The following OSTN variants were observed in gnomAD, a reference collection of about 807,000 sequenced individuals.
The protein encoded by OSTN is osteocrin.
Under a neutral mutation model 12.0 loss-of-function variants are expected in OSTN, and 9 were observed. The ratio of observed to expected loss-of-function variants is 0.75; its 90% confidence interval spans 0.45 to 1.30. The LOEUF is 1.30. OSTN is among the 50% of genes most tolerant of loss of function. OSTN has a pLI of 0.00. For synonymous variants in OSTN, 59 were observed against 56.9 expected (o/e 1.04, Z -0.16); for missense variants, 148 against 152.3 (o/e 0.97, Z 0.15).
At chr3:191,212,863 C>G (rs1447980612) in intron 2 of OSTN, among the ~76,000 whole-genome samples, 1 of 104,662 alleles carries the variant, frequency 9.6e-6, no homozygotes, top group East Asian at 3.1e-4. Flanking sequence ...CTTTTCTTTT[C>G]TTTCTTTTTT....
At chr3:191,204,419 G>T (rs1216890455) in intron 1 of OSTN, among the ~76,000 whole-genome samples, 1 of 152,166 alleles carries the variant, frequency 6.6e-6, no homozygotes, top group African/African-American at 2.4e-5. Context: ...GAAGCTACAA[G>T]CCACTAGCAA....
chr3:191,211,143 TCAA>T (rs1352410159), intron 1 of OSTN, among the ~76,000 whole-genome samples: 1 of 152,238 alleles, frequency 6.6e-6, no homozygotes, highest in Non-Finnish European at 1.5e-5. Context: ...TAATCATGAA[TCAA>T]GTTCTATTGG....
chr3:191,254,222 A>G (rs759727141), intron 4 of OSTN, among the ~76,000 whole-genome samples: 4 of 152,250 alleles, frequency 2.6e-5, no homozygotes, highest in African/African-American at 4.8e-5. Context: ...CAAGGGTTAA[A>G]CAGAGGTTAA....
intron 3 of OSTN, among the ~76,000 whole-genome samples, chr3:191,230,432 T>C (rs766250046): frequency 1.1e-4 from 17 of 150,956 alleles, no homozygotes; most frequent in Non-Finnish European, 1.9e-4. Flanking sequence ...GGCATGGTGG[T>C]GGGCGCCTGT....
intron 2 of OSTN, among the ~76,000 whole-genome samples, chr3:191,214,801 T>C (rs1714565017): frequency 6.6e-6 from 1 of 152,238 alleles, no homozygotes; most frequent in Non-Finnish European, 1.5e-5. Flanking sequence ...TCACTTGAGG[T>C]CAGGAGTTCA....
chr3:191,247,263 A>G (rs1040931970), intron 3 of OSTN, among the ~76,000 whole-genome samples: 1 of 152,232 alleles, frequency 6.6e-6, no homozygotes, highest in African/African-American at 2.4e-5. Context: ...TAAAATTTAT[A>G]TTAATTTTAC....
chr3:191,229,069 A>C (rs971651686), intron 3 of OSTN, among the ~76,000 whole-genome samples: 2 of 152,236 alleles, frequency 1.3e-5, no homozygotes, highest in African/African-American at 4.8e-5. Context: ...AATGTGAAAG[A>C]CAGAAATGAG....
intron 1 of OSTN, among the ~76,000 whole-genome samples, chr3:191,206,893 G>T (rs1340894375): frequency 6.6e-6 from 1 of 152,114 alleles, no homozygotes; most frequent in Non-Finnish European, 1.5e-5. Flanking sequence ...TAATGGAGTG[G>T]GTAAAGGGTA....
chr3:191,257,084 G>A (rs1377372953), intron 4 of OSTN, among the ~76,000 whole-genome samples: 1 of 150,592 alleles, frequency 6.6e-6, no homozygotes, highest in Non-Finnish European at 1.5e-5. Context: ...TACTTGGGAG[G>A]CTGAGTTGGA....
chr3:191,252,993 G>A (rs1417269891), intron 4 of OSTN, among the ~76,000 whole-genome samples: 2 of 152,138 alleles, frequency 1.3e-5, no homozygotes, highest in Non-Finnish European at 2.9e-5. Context: ...AGCTGCAAGA[G>A]GAAATTGTCC....
intron 3 of OSTN, among the ~76,000 whole-genome samples, chr3:191,224,673 T>C (rs975707941): frequency 3.9e-5 from 6 of 151,914 alleles, no homozygotes; most frequent in African/African-American, 1.4e-4. Context: ...ATAGTAAAAC[T>C]AGAAATTAAT....
intron 3 of OSTN, among the ~76,000 whole-genome samples, chr3:191,233,340 C>T (rs1402866202): frequency 1.6e-4 from 25 of 152,312 alleles, no homozygotes; most frequent in Admixed American, 1.6e-3. Flanking sequence ...CTTCAATTCT[C>T]CGGGCAACAC....
At chr3:191,255,103 T>C (rs1425120913) in intron 4 of OSTN, among the ~76,000 whole-genome samples, 2 of 152,154 alleles carry the variant, frequency 1.3e-5, no homozygotes, top group Non-Finnish European at 2.9e-5. Flanking sequence ...ATGAAGCTGT[T>C]CCACCTCAGA....
intron 4 of OSTN, among the ~76,000 whole-genome samples, chr3:191,254,590 C>T (rs1401881752): frequency 6.6e-6 from 1 of 152,168 alleles, no homozygotes; most frequent in Non-Finnish European, 1.5e-5. Flanking sequence ...ATAATAAAAA[C>T]TCAAAAACAA....
chr3:191,261,023 G>C (rs998365494), intron 4 of OSTN, among the ~76,000 whole-genome samples: 4 of 152,102 alleles, frequency 2.6e-5, no homozygotes, highest in African/African-American at 9.7e-5. Context: ...AGATTACAGA[G>C]AGAGAGAGAT....
chr3:191,215,315 C>T (rs1258870195), intron 2 of OSTN, among the ~76,000 whole-genome samples: 2 of 152,146 alleles, frequency 1.3e-5, no homozygotes, highest in African/African-American at 4.8e-5. Context: ...ATGGGGATTA[C>T]AATTCAAGAT....
chr3:191,208,351 T>G (rs9290978), intron 1 of OSTN, among the ~76,000 whole-genome samples: 33,344 of 152,208 alleles, frequency 0.22, 4,257 homozygotes, highest in Middle Eastern at 0.48. Flanking sequence ...TTTCTAATTT[T>G]GTAGCAATCA....
At chr3:191,200,147 A>AGT (rs1045877683) in intron 1 of OSTN, among the ~76,000 whole-genome samples, 6 of 152,136 alleles carry the variant, frequency 3.9e-5, no homozygotes, top group Non-Finnish European at 7.4e-5. Context: ...TAGAATTGAT[A>AGT]GTGTTATACC....
intron 3 of OSTN, among the ~76,000 whole-genome samples, chr3:191,245,933 G>C (rs747715524): frequency 5.3e-5 from 8 of 151,654 alleles, no homozygotes; most frequent in Non-Finnish European, 1.2e-4. Context: ...TGGGCGTGGT[G>C]GTGGGCGCCT....
Sources: allele counts gnomAD v4.1 joint callset (sites outside exome capture counted in the v4.1 genomes callset), GRCh38; gene constraint gnomAD v4.1.1; transcripts MANE v1.5; gene names NCBI Gene and HGNC (gene_info 2026-07-23, HGNC 2026-07-21).